The following MEF2A variants were observed in gnomAD, a reference collection of about 807,000 sequenced individuals.
MEF2A encodes the protein myocyte-specific enhancer factor 2A.
In MEF2A, 28 loss-of-function variants were observed where a neutral mutation model predicts 55.8. The observed-to-expected ratio is 0.50, with a 90% CI of 0.37 to 0.69. The LOEUF (loss-of-function observed/expected upper bound fraction) is 0.69, where lower values mean the gene tolerates loss of function less well. MEF2A is among the 30% of genes least tolerant of loss of function. The probability of loss-of-function intolerance (pLI) is 0.00; values close to 1 mark genes in which losing one functional copy is unlikely to be tolerated. For missense variants in MEF2A, 528 were observed against 626.2 expected (o/e 0.84, Z 1.67); for synonymous variants, 239 against 227.1 (o/e 1.05, Z -0.47).
rs145850277 is a variant in MEF2A, at chr15:99,585,250, A to T, written c.-224-13180A>T. ...AAAATTGTGTTCTGCCCATCTGTCT[A>T]TCCTACACCCTCCTTTGCTGTTTGT... On this transcript the variant is annotated intron_variant, in intron 1 of 11. Transcript: ENST00000557942. 4.9e-4 allele frequency among the ~76,000 whole-genome samples: 74 copies of T among 152,224 alleles called. 1 individual carries two copies. The highest frequency in any genetic ancestry group is 9.7e-4 in the Non-Finnish European group (66 of 68,018).
chr15:99,567,347 A>G (rs1016799138), intron 1 of MEF2A, among the ~76,000 whole-genome samples: 3 of 152,120 alleles, frequency 2.0e-5, no homozygotes, highest in Non-Finnish European at 4.4e-5. Context: ...TGTATCATCT[A>G]TTACTATATG....
At chr15:99,679,562 C>A (rs911358610) in intron 7 of MEF2A, among the ~76,000 whole-genome samples, 1 of 151,482 alleles carries the variant, frequency 6.6e-6, no homozygotes, top group Non-Finnish European at 1.5e-5. Context: ...TAAAGAAAAA[C>A]CAAGAAATTA....
At position 99,565,997 on chromosome 15, in the gene MEF2A, T is replaced by G. The variant is rs917554623; in HGVS notation, c.-332T>G. ...CCCGGTGTGGGGATCCGTGCGCGGA[T>G]GTCCCGGCGAGTCCCGGGCTGAAAG... On this transcript the variant is annotated 5_prime_UTR_variant, in exon 1 of 12. It removes an upstream start codon present in the reference 5' UTR. Coordinates refer to ENST00000557942, the MANE Select transcript of MEF2A (RefSeq NM_001319206.4). The G allele has an allele frequency of 6.6e-6, 1 of 152,222 alleles. No individual in the cohort carries two copies. Among genetic ancestry groups the G allele is most frequent in the Non-Finnish European group, 1.5e-5 (1 of 68,134 alleles). The allele number at this position is 152,222 out of a possible 1,614,324, so 9.4% of individuals were successfully genotyped here.
intron 4 of MEF2A, among the ~76,000 whole-genome samples, chr15:99,656,190 T>G (rs1347189364): frequency 6.6e-6 from 1 of 152,098 alleles, no homozygotes; most frequent in Non-Finnish European, 1.5e-5. Context: ...GAACACTCAG[T>G]GTGTAGGAGG....
intron 2 of MEF2A, among the ~76,000 whole-genome samples, chr15:99,606,063 C>T (rs1344340563): frequency 1.3e-5 from 2 of 152,016 alleles, no homozygotes; most frequent in African/African-American, 4.8e-5. Flanking sequence ...GAAATAAAGC[C>T]ACAAGGATAA....
At chr15:99,699,190 C>G (rs1342182244) in intron 8 of MEF2A, among the ~76,000 whole-genome samples, 2 of 152,200 alleles carry the variant, frequency 1.3e-5, no homozygotes, top group East Asian at 3.9e-4. Flanking sequence ...TGAAACTAGC[C>G]TAGATGTCCT....
Position 99,675,562 on chromosome 15 carries a change from G to T in MEF2A, c.670+104G>T. 2.0e-6 allele frequency: 2 copies of T among 980,866 alleles called. 1 individual carries two copies. The highest frequency in any genetic ancestry group is 3.0e-5 in the South Asian group (2 of 65,590). 60.8% of individuals were successfully genotyped at this position (980,866 alleles called of 1,614,324 possible). ...CTTTCTGGGAAATTTCCTTCTGAAG[G>T]GTACTTTCACTAATACATCAAGATA... On this transcript the variant is annotated intron_variant, in intron 7 of 11. Coordinates refer to ENST00000557942, the MANE Select transcript of MEF2A (RefSeq NM_001319206.4).
At chr15:99,611,927 AGATTGTAT>A (rs1173971729) in intron 2 of MEF2A, among the ~76,000 whole-genome samples, 1 of 152,222 alleles carries the variant, frequency 6.6e-6, no homozygotes, top group African/African-American at 2.4e-5. Context: ...AGAAAGCTAC[AGATTGTAT>A]AATTGTATAT....
At chr15:99,665,817 C>T (rs1035302056) in intron 4 of MEF2A, among the ~76,000 whole-genome samples, 2 of 150,182 alleles carry the variant, frequency 1.3e-5, no homozygotes, top group Non-Finnish European at 3.0e-5. Context: ...ATTTATGCAG[C>T]CAACAAACAT....
chr15:99,640,205 C>A (rs548208893), intron 3 of MEF2A, among the ~76,000 whole-genome samples: 1 of 152,074 alleles, frequency 6.6e-6, no homozygotes, highest in Non-Finnish European at 1.5e-5. Context: ...CTTCCGTATT[C>A]TTTGTGACTT....
At chr15:99,692,275 A>G (rs151315904) in intron 8 of MEF2A, among the ~76,000 whole-genome samples, 4 of 152,368 alleles carry the variant, frequency 2.6e-5, no homozygotes, top group African/African-American at 9.6e-5. Context: ...ATAGTTCAAA[A>G]TAGAGCTAGG....
intron 3 of MEF2A, among the ~76,000 whole-genome samples, chr15:99,643,372 A>G (rs1196273406): frequency 6.6e-6 from 1 of 152,156 alleles, no homozygotes; most frequent in East Asian, 1.9e-4. Context: ...TACTCTTAAC[A>G]GCTTGTTTTC....
chr15:99,604,709 GT>G (rs556675865), intron 2 of MEF2A, among the ~76,000 whole-genome samples: 60 of 129,142 alleles, frequency 4.6e-4, no homozygotes, highest in Admixed American at 6.0e-4. Flanking sequence ...TAGGGGTTTT[GT>G]TTTTTTTTTT....
chr15:99,714,927 C>A lies in MEF2A; in HGVS notation c.*2156C>A, dbSNP rs1186064512. ...ATGATCAGTGCAGGAGAGACCTGCG[C>A]ACCACAGGCTGCAAACTGGAGGTTC... is the stretch of plus-strand genomic sequence containing the variant. On this transcript the variant is annotated 3_prime_UTR_variant, in exon 12 of 12. Transcript: ENST00000557942. The A allele has an allele frequency of 6.6e-6, 1 of 151,284 alleles. No individual in the cohort carries two copies. The highest frequency in any genetic ancestry group is 6.6e-5 in the Admixed American group (1 of 15,142). The allele number at this position is 151,284 out of a possible 1,614,324, so 9.4% of individuals were successfully genotyped here.
intron 8 of MEF2A, among the ~76,000 whole-genome samples, chr15:99,697,384 A>C (rs1283214895): frequency 6.6e-6 from 1 of 152,144 alleles, no homozygotes. Flanking sequence ...CAGTGAGTTT[A>C]GCAAGGTTGC....
chr15:99,683,123 A>G (rs1036857634), intron 7 of MEF2A, among the ~76,000 whole-genome samples: 16 of 152,302 alleles, frequency 1.1e-4, no homozygotes, highest in Admixed American at 3.9e-4. Flanking sequence ...TGGCCTGGTG[A>G]AGTGGTTGTT....
chr15:99,653,604 G>T (rs1160782870), intron 4 of MEF2A, among the ~76,000 whole-genome samples: 1 of 152,120 alleles, frequency 6.6e-6, no homozygotes, highest in African/African-American at 2.4e-5. Context: ...AAGAAAATTT[G>T]ATATGGGATT....
intron 7 of MEF2A, 23 bp from the exon 8 acceptor site, chr15:99,690,218 T>G: frequency 1.2e-6 from 2 of 1,606,960 alleles, no homozygotes; most frequent in Non-Finnish European, 1.7e-6. Flanking sequence ...TCTCACTTTA[T>G]TGAATGATAT....
intron 2 of MEF2A, among the ~76,000 whole-genome samples, chr15:99,610,047 G>GGT (rs2153186639): frequency 6.6e-6 from 1 of 151,346 alleles, no homozygotes; most frequent in East Asian, 1.9e-4. Flanking sequence ...GAGGACCCAG[G>GGT]GTATCATATT....
Sources: gnomAD v4.1 joint callset for allele counts (sites outside exome capture counted in the v4.1 genomes callset) on GRCh38, gnomAD v4.1.1 for gene constraint, MANE v1.5 for transcripts, NCBI Gene and HGNC (gene_info 2026-07-23, HGNC 2026-07-21) for gene names.